TBC1D22A: variants seen among roughly 807,000 people sequenced by gnomAD.
The protein encoded by TBC1D22A is putative GTPase activator.
A neutral mutation model predicts 60.2 loss-of-function variants in TBC1D22A; 38 were observed. That is an observed-to-expected ratio of 0.63 (90% CI 0.49 to 0.83). The LOEUF (loss-of-function observed/expected upper bound fraction) is 0.83, where lower values mean the gene tolerates loss of function less well. Ranked by LOEUF, TBC1D22A falls within the 40% of genes least tolerant of loss-of-function variation. The pLI, the probability that TBC1D22A is intolerant of heterozygous loss-of-function variation, is 0.00. For missense variants in TBC1D22A, 628 were observed against 701.0 expected (o/e 0.90, Z 1.18); for synonymous variants, 302 against 281.7 (o/e 1.07, Z -0.72).
rs552900272 is a variant in TBC1D22A at position 47,175,338 on chromosome 22, C to T, written c.*1712C>T. On this transcript the variant is annotated 3_prime_UTR_variant, in exon 13 of 13. Coordinates refer to ENST00000337137, the MANE Select transcript of TBC1D22A (RefSeq NM_014346.5). ...CCTCCTCCTCCTGCCGCCTCCTTTT[C>T]TAGATGGGGAGGGGATTCCGTCACA... The T allele has an allele frequency of 6.6e-6, 1 of 152,604 alleles. No individual in the cohort carries two copies. Among genetic ancestry groups the T allele is most frequent in the South Asian group, 2.1e-4 (1 of 4,834 alleles). 9.5% of individuals were successfully genotyped at this position (152,604 alleles called of 1,614,324 possible). A position where few individuals can be genotyped will look rare whatever the true frequency, so the allele number is the denominator to read the frequency against.
intron 12 of TBC1D22A, among the ~76,000 whole-genome samples, chr22:47,164,881 G>T (rs1422630914): frequency 2.0e-5 from 3 of 152,232 alleles, no homozygotes; most frequent in Admixed American, 1.3e-4. Flanking sequence ...TGCGCAGGAG[G>T]AATACAAATG....
Position 47,173,821 on chromosome 22 carries a change from C to T in TBC1D22A, c.*195C>T. The T allele has an allele frequency of 1.1e-6, 1 of 910,024 alleles. No individual in the cohort carries two copies. The highest frequency in any genetic ancestry group is 1.6e-6 in the Non-Finnish European group (1 of 632,158). 56.4% of individuals were successfully genotyped at this position (910,024 alleles called of 1,614,324 possible). ...CAAAGACAGGGACAGCCTTTGTTTT[C>T]TGAGATACCAAAGAGAGCCAGGGGA... On this transcript the variant is annotated 3_prime_UTR_variant, in exon 13 of 13. Transcript: ENST00000337137.
intron 7 of TBC1D22A, among the ~76,000 whole-genome samples, chr22:46,898,750 A>G (rs1471053681): frequency 6.6e-6 from 1 of 152,218 alleles, no homozygotes; most frequent in Admixed American, 6.5e-5. Flanking sequence ...CTTGCAGCTC[A>G]CTAGGAATTT....
At chr22:46,988,349 C>A (rs2074806663) in intron 9 of TBC1D22A, among the ~76,000 whole-genome samples, 1 of 152,238 alleles carries the variant, frequency 6.6e-6, no homozygotes, top group African/African-American at 2.4e-5. Context: ...TTAATGGCAT[C>A]TAGAAAAGCA....
intron 8 of TBC1D22A, among the ~76,000 whole-genome samples, chr22:46,937,935 G>C (rs1439489274): frequency 6.6e-6 from 1 of 152,128 alleles, no homozygotes; most frequent in Non-Finnish European, 1.5e-5. Flanking sequence ...CAATGTATCT[G>C]AGTTTTAAAC....
In TBC1D22A at chr22:47,131,369, C is replaced by T. The variant is rs528132088; in HGVS notation, c.1425+19766C>T. On this transcript the variant is annotated intron_variant, in intron 12 of 12. Transcript: ENST00000337137. ...TTCCAGAAATGCAGAAATGGTGAAC[C>T]TGCCTGCTCTGCTGCAGAAACCAAG... Among the ~76,000 whole-genome samples, 362 of 152,336 alleles carry T rather than the reference C, an allele frequency of 2.4e-3. 1 individual carries two copies. The Middle Eastern group carries it at 0.027, about 11-fold the overall frequency.
intron 1 of TBC1D22A, among the ~76,000 whole-genome samples, chr22:46,779,859 A>G (rs2083863266): frequency 6.6e-6 from 1 of 152,196 alleles, no homozygotes; most frequent in Non-Finnish European, 1.5e-5. Flanking sequence ...GCTGCCAGTC[A>G]GAGTGGTGTG....
chr22:46,824,998 T>G (rs1278074372), intron 4 of TBC1D22A, among the ~76,000 whole-genome samples: 1 of 152,052 alleles, frequency 6.6e-6, no homozygotes, highest in East Asian at 1.9e-4. Flanking sequence ...GTGTGGATGC[T>G]GGAGTTACAT....
rs376904374 is a variant in TBC1D22A, at chr22:47,128,616, C to T, written c.1425+17013C>T. On this transcript the variant is annotated intron_variant, in intron 12 of 12. Transcript: ENST00000337137. ...GGCTGCAGAAAATCGATTTTCGTTC[C>T]ATGACTCTGCTCACAGCTATCCGTG... Among the ~76,000 whole-genome samples the T allele has an allele frequency of 6.1e-4, 92 of 152,034 alleles. 1 individual carries two copies. Among genetic ancestry groups the T allele is most frequent in the African/African-American group, 1.8e-3 (75 of 41,502 alleles).
chr22:46,780,723 A>T (rs562565645), intron 1 of TBC1D22A, among the ~76,000 whole-genome samples: 2 of 152,166 alleles, frequency 1.3e-5, no homozygotes, highest in South Asian at 4.1e-4. Flanking sequence ...GTTCACTGTC[A>T]GCTTTCCAGG....
chr22:47,106,371 T>G (rs985782242), intron 11 of TBC1D22A, among the ~76,000 whole-genome samples: 1 of 152,032 alleles, frequency 6.6e-6, no homozygotes, highest in Non-Finnish European at 1.5e-5. Context: ...CCGCAAAACA[T>G]CCAAGACAAA....
At chr22:47,063,791 T>A (rs576935525) in intron 11 of TBC1D22A, among the ~76,000 whole-genome samples, 1 of 152,306 alleles carries the variant, frequency 6.6e-6, no homozygotes, top group Non-Finnish European at 1.5e-5. Flanking sequence ...CCCGCCTCCA[T>A]GTGTTACCAG....
Position 46,903,340 on chromosome 22 carries a change from G to A in TBC1D22A, c.900+8494G>A, listed in dbSNP as rs569125505. 3.3e-5 allele frequency among the ~76,000 whole-genome samples: 5 copies of A among 152,296 alleles called. No individual in the cohort carries two copies. The South Asian group carries it at 6.2e-4, about 19-fold the overall frequency. ...TCAGCCTGCGGGGGCGTCTGTACTC[G>A]GGGAAGCTGTGGACCAGGCATGGAG... On this transcript the variant is annotated intron_variant, in intron 7 of 12. Transcript: ENST00000337137.
chr22:46,943,926 A>T (rs2072344458), intron 8 of TBC1D22A, among the ~76,000 whole-genome samples: 1 of 152,134 alleles, frequency 6.6e-6, no homozygotes, highest in Non-Finnish European at 1.5e-5. Flanking sequence ...TTCCATATAG[A>T]CCACGTCTTG....
intron 4 of TBC1D22A, among the ~76,000 whole-genome samples, chr22:46,820,406 T>G (rs1285256900): frequency 1.3e-5 from 2 of 152,178 alleles, no homozygotes; most frequent in East Asian, 3.8e-4. Flanking sequence ...CTGCTCTAGC[T>G]GTGTCCCAGA....
At chr22:46,963,082 G>C (rs773505686) in intron 8 of TBC1D22A, among the ~76,000 whole-genome samples, 2 of 151,796 alleles carry the variant, frequency 1.3e-5, no homozygotes, top group Non-Finnish European at 2.9e-5. Context: ...TTAGCTGGGC[G>C]TGGTGGTGGG....
intron 4 of TBC1D22A, among the ~76,000 whole-genome samples, chr22:46,862,464 AG>A (rs1309972885): frequency 6.6e-6 from 1 of 152,144 alleles, no homozygotes; most frequent in Non-Finnish European, 1.5e-5. Flanking sequence ...TTCTGTTCTC[AG>A]GGCATGTATG....
Position 46,976,777 on chromosome 22 carries a change from C to T in TBC1D22A, c.1125+2378C>T, listed in dbSNP as rs372063637. 2.6e-4 allele frequency among the ~76,000 whole-genome samples: 39 copies of T among 152,326 alleles called. No homozygotes were observed. The South Asian group carries it at 8.1e-3, about 32-fold the overall frequency. ...TGCAGGCTCTCAGCCCGGCCTCCAC[C>T]AGTTGTTCCCAGCGTTCTTTCAAGG... is the stretch of plus-strand genomic sequence containing the variant. On this transcript the variant is annotated intron_variant, in intron 9 of 12. Transcript: ENST00000337137.
At chr22:46,875,341 G>A (rs1457461850) in intron 4 of TBC1D22A, among the ~76,000 whole-genome samples, 1 of 152,208 alleles carries the variant, frequency 6.6e-6, no homozygotes, top group Non-Finnish European at 1.5e-5. Context: ...GAACAGGCAA[G>A]TCCCGTCTAT....
Sources: allele counts gnomAD v4.1 joint callset (sites outside exome capture counted in the v4.1 genomes callset), GRCh38; gene constraint gnomAD v4.1.1; transcripts MANE v1.5; gene names NCBI Gene and HGNC (gene_info 2026-07-23, HGNC 2026-07-21).